The following RSRC1 variants were observed in gnomAD, a reference collection of about 807,000 sequenced individuals.
The protein encoded by RSRC1 is serine/Arginine-related protein 53.
A neutral mutation model predicts 49.1 loss-of-function variants in RSRC1; 39 were observed. That is an observed-to-expected ratio of 0.79 (90% CI 0.61 to 1.04). The LOEUF (loss-of-function observed/expected upper bound fraction) is 1.04. Among genes scored for constraint, RSRC1 ranks in the 50% least tolerant of loss-of-function variants. The pLI is 0.00. For missense variants in RSRC1, 388 were observed against 402.4 expected, an observed-to-expected ratio of 0.96 and a Z score of 0.31; for synonymous variants, 143 against 130.8, an observed-to-expected ratio of 1.09 and a Z score of -0.63.
intron 4 of RSRC1, among the ~76,000 whole-genome samples, chr3:158,271,829 A>G (rs1725534449): frequency 6.6e-6 from 1 of 152,154 alleles, no homozygotes; most frequent in African/African-American, 2.4e-5. Flanking sequence ...ATGAAATTTT[A>G]AGCACCTGCA....
chr3:158,329,631 C>T (rs1054939363), intron 5 of RSRC1, among the ~76,000 whole-genome samples: 1 of 152,190 alleles, frequency 6.6e-6, no homozygotes, highest in Non-Finnish European at 1.5e-5. Flanking sequence ...GCTGTGTGAG[C>T]TGTCAGTGTG....
intron 5 of RSRC1, among the ~76,000 whole-genome samples, chr3:158,329,010 T>G (rs559125075): frequency 2.7e-4 from 41 of 152,216 alleles, no homozygotes; most frequent in Admixed American, 1.3e-3. Context: ...CTGATACCCT[T>G]TCTTCCAGTT....
intron 3 of RSRC1, among the ~76,000 whole-genome samples, chr3:158,148,593 A>C (rs901649478): frequency 4.6e-5 from 7 of 152,130 alleles, no homozygotes; most frequent in Non-Finnish European, 7.4e-5. Flanking sequence ...TTTGAATGTC[A>C]TAAACTCATC....
chr3:158,330,944 C>T (rs1729506921), intron 5 of RSRC1, among the ~76,000 whole-genome samples: 1 of 150,770 alleles, frequency 6.6e-6, no homozygotes, highest in Non-Finnish European at 1.5e-5. Flanking sequence ...GGGGAGGCCT[C>T]ACAATCATAG....
intron 3 of RSRC1, among the ~76,000 whole-genome samples, chr3:158,195,323 T>C (rs1720523233): frequency 6.7e-6 from 1 of 148,504 alleles, no homozygotes. Flanking sequence ...TTCATATCCT[T>C]TGCCCACTTG....
intron 5 of RSRC1, among the ~76,000 whole-genome samples, chr3:158,340,509 C>G (rs1258814960): frequency 6.6e-6 from 1 of 152,002 alleles, no homozygotes; most frequent in Non-Finnish European, 1.5e-5. Context: ...CCACTGCACT[C>G]CAGCCTGGGC....
intron 5 of RSRC1, among the ~76,000 whole-genome samples, chr3:158,329,981 G>T (rs1483560330): frequency 1.3e-5 from 2 of 152,224 alleles, no homozygotes; most frequent in African/African-American, 2.4e-5. Flanking sequence ...TTCGATCTCA[G>T]AGTGTTGTGC....
chr3:158,503,959 T>C (rs1485524968), intron 7 of RSRC1, among the ~76,000 whole-genome samples: 1 of 152,082 alleles, frequency 6.6e-6, no homozygotes, highest in Non-Finnish European at 1.5e-5. Flanking sequence ...GTGGTGTTTT[T>C]CCCCCCAGCT....
rs71144456 is a variant in RSRC1 at position 158,321,974 on chromosome 3, T to TACACACACAC, written c.531+23923_531+23932dup. Among the ~76,000 whole-genome samples, 290 of 148,504 alleles carry TACACACACAC rather than the reference T, an allele frequency of 2.0e-3. 2 individuals carry two copies. Among genetic ancestry groups the TACACACACAC allele is most frequent in the African/African-American group, 6.8e-3 (275 of 40,520 alleles). ...ATTAAGAGAAGAAACTTTTAACACC[T>TACACACACAC]ACACACACACACACACACACACACA... On this transcript the variant is annotated intron_variant, in intron 5 of 9. Coordinates refer to ENST00000611884, the MANE Select transcript of RSRC1 (RefSeq NM_001271838.2).
chr3:158,270,397 T>C (rs1389340336), intron 4 of RSRC1, among the ~76,000 whole-genome samples: 1 of 152,166 alleles, frequency 6.6e-6, no homozygotes, highest in African/African-American at 2.4e-5. Context: ...TCACCCTGTA[T>C]GGGGACTGAT....
intron 6 of RSRC1, among the ~76,000 whole-genome samples, chr3:158,433,839 T>C (rs967697303): frequency 5.3e-5 from 8 of 152,006 alleles, no homozygotes; most frequent in African/African-American, 1.7e-4. Flanking sequence ...CACTTAATGT[T>C]GGTTGTAATA....
At chr3:158,269,809 A>C (rs1725403023) in intron 4 of RSRC1, among the ~76,000 whole-genome samples, 5 of 151,994 alleles carry the variant, frequency 3.3e-5, no homozygotes, top group Admixed American at 3.3e-4. Flanking sequence ...CAGAAAACAG[A>C]TTTCTTATTT....
chr3:158,467,874 A>G (rs1219307065), intron 7 of RSRC1, among the ~76,000 whole-genome samples: 1 of 152,244 alleles, frequency 6.6e-6, no homozygotes, highest in Non-Finnish European at 1.5e-5. Context: ...TTCTTGTAGT[A>G]ACAATTAAAT....
intron 5 of RSRC1, among the ~76,000 whole-genome samples, chr3:158,329,983 G>C (rs867717714): frequency 2.0e-5 from 3 of 152,320 alleles, no homozygotes; most frequent in Middle Eastern, 3.4e-3. Context: ...CGATCTCAGA[G>C]TGTTGTGCTA....
intron 6 of RSRC1, among the ~76,000 whole-genome samples, chr3:158,433,093 A>T (rs966050444): frequency 2.4e-4 from 36 of 151,926 alleles, no homozygotes; most frequent in Non-Finnish European, 5.2e-4. Context: ...ATCAGTAGCA[A>T]TTTCATTCAG....
intron 3 of RSRC1, among the ~76,000 whole-genome samples, chr3:158,137,409 TA>T: frequency 6.6e-6 from 1 of 151,268 alleles, no homozygotes; most frequent in Non-Finnish European, 1.5e-5. Flanking sequence ...ATTAAATATA[TA>T]TATATATATA....
intron 2 of RSRC1, among the ~76,000 whole-genome samples, chr3:158,122,931 A>G (rs576377484): frequency 3.9e-5 from 6 of 152,272 alleles, no homozygotes; most frequent in African/African-American, 1.4e-4. Context: ...ATGGCTGCGT[A>G]GTATTCCATG....
chr3:158,533,629 A>G (rs1395487488), intron 7 of RSRC1, among the ~76,000 whole-genome samples: 4 of 151,702 alleles, frequency 2.6e-5, no homozygotes, highest in African/African-American at 9.7e-5. Flanking sequence ...ATATGTTTAG[A>G]GAAAAAATTC....
chr3:158,269,825 GTTC>G (rs1725403895), intron 4 of RSRC1, among the ~76,000 whole-genome samples: 1 of 152,026 alleles, frequency 6.6e-6, no homozygotes, highest in Non-Finnish European at 1.5e-5. Context: ...TATTTTACCT[GTTC>G]TTAAGGAGTT....
Sources: gnomAD v4.1 joint callset for allele counts (sites outside exome capture counted in the v4.1 genomes callset) on GRCh38, gnomAD v4.1.1 for gene constraint, MANE v1.5 for transcripts, NCBI Gene and HGNC (gene_info 2026-07-23, HGNC 2026-07-21) for gene names.